Variants in SND1 observed in about 807,000 individuals in gnomAD.
SND1 encodes the protein staphylococcal nuclease domain-containing protein 1.
Under a neutral mutation model 121.7 loss-of-function variants are expected in SND1, and 38 were observed. The ratio of observed to expected loss-of-function variants is 0.31; its 90% CI spans 0.24 to 0.41. The LOEUF (loss-of-function observed/expected upper bound fraction) is 0.41, where lower values mean the gene tolerates loss of function less well. Ranked by LOEUF, SND1 falls within the 10% of genes least tolerant of loss-of-function variation. SND1 has a pLI of 1.00. For missense variants in SND1, 868 were observed against 1,184.6 expected (o/e 0.73, Z 3.92); for synonymous variants, 401 against 447.4 (o/e 0.90, Z 1.31).
At chr7:127,962,264 T>C (rs1339643294) in intron 15 of SND1, among the ~76,000 whole-genome samples, 1 of 152,218 alleles carries the variant, frequency 6.6e-6, no homozygotes, top group Non-Finnish European at 1.5e-5. Context: ...TAGTGCTGTG[T>C]AAGCAAACTG....
chr7:127,654,321 C>T (rs1006583012), intron 1 of SND1, among the ~76,000 whole-genome samples: 5 of 152,136 alleles, frequency 3.3e-5, no homozygotes, highest in African/African-American at 1.2e-4. Flanking sequence ...GATTATCAGC[C>T]ACATTTTATA....
intron 16 of SND1, among the ~76,000 whole-genome samples, chr7:128,069,742 T>C (rs972457122): frequency 2.6e-5 from 4 of 152,176 alleles, no homozygotes; most frequent in African/African-American, 7.2e-5. Flanking sequence ...ATCCTTGAGG[T>C]AGATGATGTT....
chr7:127,775,067 T>C (rs1797590965), intron 10 of SND1, among the ~76,000 whole-genome samples: 1 of 152,132 alleles, frequency 6.6e-6, no homozygotes, highest in African/African-American at 2.4e-5. Context: ...TAAAAATAAG[T>C]TAAGACATAG....
At chr7:128,079,294 C>T (rs1336808224) in intron 17 of SND1, among the ~76,000 whole-genome samples, 1 of 152,252 alleles carries the variant, frequency 6.6e-6, no homozygotes, top group Non-Finnish European at 1.5e-5. Context: ...CCCACTTCCC[C>T]ACATGGGCAG....
At chr7:127,846,317 G>A (rs1799061413) in intron 12 of SND1, among the ~76,000 whole-genome samples, 2 of 152,102 alleles carry the variant, frequency 1.3e-5, no homozygotes, top group South Asian at 4.1e-4. Context: ...AAGTTTAGAA[G>A]AATTTTACAA....
chr7:127,750,567 T>A (rs1479771052), intron 10 of SND1, among the ~76,000 whole-genome samples: 1 of 152,224 alleles, frequency 6.6e-6, no homozygotes, highest in Non-Finnish European at 1.5e-5. Context: ...GTATTCCTTA[T>A]CTGAAATGCT....
chr7:127,972,255 G>A (rs1449912005), intron 15 of SND1, among the ~76,000 whole-genome samples: 2 of 151,906 alleles, frequency 1.3e-5, no homozygotes, highest in East Asian at 1.9e-4. Context: ...TGCAGGGGGC[G>A]GTGAGGGGGG....
At chr7:127,897,231 C>G (rs1333073585) in intron 13 of SND1, among the ~76,000 whole-genome samples, 1 of 152,030 alleles carries the variant, frequency 6.6e-6, no homozygotes, top group African/African-American at 2.4e-5. Flanking sequence ...GCCAGAGAGC[C>G]AAATCTCTGG....
At chr7:127,674,005 T>TTCCTTCCTTC (rs954174595) in intron 1 of SND1, among the ~76,000 whole-genome samples, 68 of 151,722 alleles carry the variant, frequency 4.5e-4, no homozygotes, top group Non-Finnish European at 5.6e-4. Flanking sequence ...CCCTTTCCTT[T>TTCCTTCCTTC]TCCTTCCTTC....
chr7:127,931,930 C>G (rs1427626712), intron 15 of SND1, among the ~76,000 whole-genome samples: 1 of 152,156 alleles, frequency 6.6e-6, no homozygotes, highest in African/African-American at 2.4e-5. Context: ...TATTACTGCT[C>G]ATTCACAGTT....
At chr7:127,838,519 T>A (rs1798907713) in intron 11 of SND1, among the ~76,000 whole-genome samples, 1 of 152,246 alleles carries the variant, frequency 6.6e-6, no homozygotes, top group Non-Finnish European at 1.5e-5. Flanking sequence ...TAACCTATTA[T>A]TTGAGATGGT....
chr7:127,774,706 G>A (rs909454388), intron 10 of SND1, among the ~76,000 whole-genome samples: 3 of 151,872 alleles, frequency 2.0e-5, no homozygotes, highest in Non-Finnish European at 4.4e-5. Context: ...AGCCTCTTGA[G>A]AAGCTAGGAT....
intron 16 of SND1, chr7:127,999,283 C>T (rs1802758048): frequency 6.6e-6 from 1 of 152,072 alleles, no homozygotes; most frequent in South Asian, 2.1e-4. Flanking sequence ...GCAGACGCTT[C>T]CCTTCCCTTC....
At chr7:127,660,494 C>A (rs1024554145) in intron 1 of SND1, among the ~76,000 whole-genome samples, 5 of 152,120 alleles carry the variant, frequency 3.3e-5, no homozygotes, top group Non-Finnish European at 7.4e-5. Flanking sequence ...TTTTTCAGTT[C>A]TATTTAATGC....
chr7:128,074,580 G>A lies in SND1; in HGVS notation c.1858G>A (p.Val620Ile), dbSNP rs376616596. ...GCACATCGACGGTGCCAACCTGTCC[G>A]TCCTGCTGGTGGAGCACGCGCTCTC... The part of the protein sequence containing the change: ...WLHIDGANLS[V>I]LLVEHALSKV... The change falls in exon 17 of 24, where the codon GTC (valine) becomes ATC (isoleucine). Residue 620 changes from valine (V) to isoleucine (I), a missense_variant. By Grantham distance (29) the Val-to-Ile change is conservative (BLOSUM62 3). Transcript: ENST00000354725. The A allele has an allele frequency of 3.2e-5, 52 of 1,613,742 alleles. No individual in the cohort carries two copies. The African/African-American group carries it at 4.7e-4, about 14-fold the overall frequency.
chr7:127,754,872 C>T (rs1341398419), intron 10 of SND1, among the ~76,000 whole-genome samples: 2 of 152,346 alleles, frequency 1.3e-5, no homozygotes, highest in East Asian at 3.9e-4. Context: ...GTCTGATTTT[C>T]ATCAGCATTA....
chr7:128,008,870 T>G (rs1194014814), intron 16 of SND1, among the ~76,000 whole-genome samples: 1 of 152,206 alleles, frequency 6.6e-6, no homozygotes, highest in African/African-American at 2.4e-5. Context: ...ACTCTGATTT[T>G]TTTCCCCTTT....
chr7:128,032,312 T>C (rs1436319491), intron 16 of SND1, among the ~76,000 whole-genome samples: 91 of 114,362 alleles, frequency 8.0e-4, no homozygotes, highest in South Asian at 1.0e-3. Flanking sequence ...TCTCTCCCCC[T>C]CCCCCCTCCC....
In SND1 at chr7:128,073,740, C is replaced by T. The variant is rs184197324; in HGVS notation, c.1780-762C>T. ...AATTTATCCTGGGCAGTGGCCTTCA[C>T]GATGTGGGAGCAGATCAGCTACCAC... On this transcript the variant is annotated intron_variant, in intron 16 of 23. Transcript: ENST00000354725. Among the ~76,000 whole-genome samples the T allele has an allele frequency of 3.0e-4, 46 of 152,304 alleles. 1 individual carries two copies. The highest frequency in any genetic ancestry group is 2.7e-3 in the Admixed American group (42 of 15,304).
Sources: allele counts gnomAD v4.1 joint callset (sites outside exome capture counted in the v4.1 genomes callset), GRCh38; gene constraint gnomAD v4.1.1; transcripts MANE v1.5; gene names NCBI Gene and HGNC (gene_info 2026-07-23, HGNC 2026-07-21).